HSPA9: variants seen among roughly 807,000 people sequenced by gnomAD.
HSPA9 encodes the protein heat shock protein family A (Hsp70) member 9, also known as stress-70 protein, mitochondrial.
A neutral mutation model predicts 81.5 loss-of-function variants in HSPA9; 28 were observed. The ratio of observed to expected loss-of-function variants is 0.34; its 90% CI spans 0.25 to 0.47. The LOEUF (loss-of-function observed/expected upper bound fraction) is 0.47, where lower values mean the gene tolerates loss of function less well. Ranked by LOEUF, HSPA9 falls within the 20% of genes least tolerant of loss-of-function variation. The probability of loss-of-function intolerance (pLI) is 1.00; values close to 1 mark genes in which losing one functional copy is unlikely to be tolerated. For synonymous variants in HSPA9, 293 were observed against 290.4 expected, an observed-to-expected ratio of 1.01 and a Z score of -0.09; for missense variants, 678 against 838.0, an observed-to-expected ratio of 0.81 and a Z score of 2.36.
intron 9 of HSPA9, among the ~76,000 whole-genome samples, chr5:138,562,128 A>G (rs6889363): frequency 0.96 from 144,385 of 150,616 alleles, 69,270 homozygotes; most frequent in East Asian, 1. Flanking sequence ...TAGTAGAGAC[A>G]GGGTTTCAGC....
intron 1 of HSPA9, 37 bp downstream of exon 1, chr5:138,575,201 G>T: frequency 6.8e-7 from 1 of 1,474,366 alleles, no homozygotes; most frequent in Non-Finnish European, 9.4e-7. Context: ...CAAGGCCCGA[G>T]GCCGTGACCC....
rs559051966 is a variant in HSPA9 at position 138,557,025 on chromosome 5, G to C, written c.1729-159C>G. 5 of 682,356 alleles carry C rather than the reference G, an allele frequency of 7.3e-6. No individual in the cohort carries two copies. The East Asian group carries it at 1.4e-4, about 19-fold the overall frequency. The allele number at this position is 682,356 out of a possible 1,614,324, so 42.3% of individuals were successfully genotyped here. A position where few individuals can be genotyped will look rare whatever the true frequency, so the allele number is the denominator to read the frequency against. ...GCATGAAAGAGTCTGGGATGGCTTT[G>C]AGAGAGATTTGGGCTAGATTTTGTA... On this transcript the variant is annotated intron_variant, in intron 14 of 16. Coordinates refer to ENST00000297185, the MANE Select transcript of HSPA9 (RefSeq NM_004134.7).
At chr5:138,570,913 C>T in intron 4 of HSPA9, 47 bp downstream of exon 4, 1 of 1,508,806 alleles carries the variant, frequency 6.6e-7, no homozygotes, top group Non-Finnish European at 9.2e-7. Flanking sequence ...TTCTGTGTGG[C>T]CCTTGCAAAT....
intron 4 of HSPA9, among the ~76,000 whole-genome samples, chr5:138,570,148 A>G (rs1481426601): frequency 6.6e-6 from 1 of 151,918 alleles, no homozygotes; most frequent in African/African-American, 2.4e-5. Context: ...TACAGGTGTG[A>G]GTCACCCCAC....
chr5:138,569,390 TAAGAC>T (rs897874291), intron 4 of HSPA9, among the ~76,000 whole-genome samples: 1 of 152,210 alleles, frequency 6.6e-6, no homozygotes, highest in Non-Finnish European at 1.5e-5. Context: ...TTCTACTCTC[TAAGAC>T]AAATGGAAAT....
Position 138,561,106 on chromosome 5 carries a change from T to C in HSPA9, c.1182+474A>G, listed in dbSNP as rs778838998. ...TGATGTGTTGAATAAAATACATCAT[T>C]GCACAAATCTTTGTCAAAGAGATGC... On this transcript the variant is annotated intron_variant, in intron 10 of 16. Coordinates refer to ENST00000297185, the MANE Select transcript of HSPA9 (RefSeq NM_004134.7). The C allele has an allele frequency of 2.2e-4, 109 of 487,630 alleles. 3 individuals carry two copies. Among genetic ancestry groups the C allele is most frequent in the Non-Finnish European group, 7.1e-5 (17 of 237,972 alleles). The allele number at this position is 487,630 out of a possible 1,614,324, so 30.2% of individuals were successfully genotyped here.
chr5:138,570,362 A>ACACATGATAGAACCTATGCCATTT (rs1241648273), intron 4 of HSPA9, among the ~76,000 whole-genome samples: 1 of 152,220 alleles, frequency 6.6e-6, no homozygotes, highest in Non-Finnish European at 1.5e-5. Flanking sequence ...TACTGGATCA[A>ACACATGATAGAACCTATGCCATTT]CACATGATAG....
intron 4 of HSPA9, 115 bp from the exon 5 acceptor site, chr5:138,569,164 A>G: frequency 1.1e-6 from 1 of 939,774 alleles, no homozygotes; most frequent in Non-Finnish European, 1.7e-6. Flanking sequence ...CATGGCCAAC[A>G]AATGACAGTT....
rs368981830 is a variant in HSPA9 at position 138,556,432 on chromosome 5, A to C, written c.1962+20T>G. On this transcript the variant is annotated intron_variant, in intron 16 of 16. Transcript: ENST00000297185. ...CCATCCAGATCAAGTTAGAATCAAAATCCACTTCAGCCCTTGTACCTTTTT... is the reference window on the plus strand; with the variant it reads ...CCATCCAGATCAAGTTAGAATCAAACTCCACTTCAGCCCTTGTACCTTTTT... 2 of 1,611,806 alleles carry C rather than the reference A, an allele frequency of 1.2e-6. No homozygotes were observed. The highest frequency in any genetic ancestry group is 1.7e-6 in the Non-Finnish European group (2 of 1,179,862).
intron 5 of HSPA9, 125 bp from the exon 6 acceptor site, chr5:138,567,847 A>G (rs1561860352): frequency 1.3e-6 from 1 of 752,044 alleles, no homozygotes; most frequent in East Asian, 2.7e-5. Context: ...AAGTGACCTA[A>G]TATGTCCTTG....
In HSPA9 at chr5:138,561,672, C is replaced by T. The variant is rs751461394; in HGVS notation, c.1090G>A (p.Ala364Thr). ...TCTTGCATAGCTTTTTGGCATGGAGCGATAGTCCTTCTGATTAGATCAGTG... is the reference window on the plus strand; with the variant it reads ...TCTTGCATAGCTTTTTGGCATGGAGTGATAGTCCTTCTGATTAGATCAGTG... ...IVTDLIRRTI[A>T]PCQKAMQDAE... Residue 364 changes from alanine (A) to threonine (T), a missense_variant, in exon 10 of 17, where the codon GCT becomes ACT. By Grantham distance (58) the Ala-to-Thr change is moderately conservative. Coordinates refer to ENST00000297185, the MANE Select transcript of HSPA9 (RefSeq NM_004134.7). 5.6e-6 allele frequency: 9 copies of T among 1,614,074 alleles called. No homozygotes were observed. The highest frequency in any genetic ancestry group is 1.1e-5 in the South Asian group (1 of 91,088).
Position 138,567,658 on chromosome 5 carries a change from C to A in HSPA9, c.600G>T (p.Ser200=), listed in dbSNP as rs762248139. The A allele has an allele frequency of 6.2e-7, 1 of 1,613,602 alleles. No homozygotes were observed. The part of the protein sequence containing the change: ...VITVPAYFND[S]QRQATKDAGQ... ...TGCTAATTGACCTCACCTGTCTCTG[C>A]GAGTCATTGAAATAAGCTGGGACTG... The change falls in exon 6 of 17, where the codon TCG becomes TCT. Residue 200 remains serine, a synonymous_variant. Coordinates refer to ENST00000297185, the MANE Select transcript of HSPA9 (RefSeq NM_004134.7).
intron 3 of HSPA9, among the ~76,000 whole-genome samples, chr5:138,572,767 T>C (rs1750935104): frequency 6.6e-6 from 1 of 152,226 alleles, no homozygotes; most frequent in African/African-American, 2.4e-5. Context: ...TTTGGGCTTC[T>C]TGGCATTTTT....
At chr5:138,556,621 T>C (rs1161815608) in intron 15 of HSPA9, 29 bp from the exon 16 acceptor site, 1 of 1,612,810 alleles carries the variant, frequency 6.2e-7, no homozygotes, top group Non-Finnish European at 8.5e-7. Context: ...AAATCCTTAC[T>C]TTTCCAGGTC....
chr5:138,571,011 G>A lies in HSPA9; in HGVS notation c.359C>T (p.Thr120Ile). 4 of 1,614,132 alleles carry A rather than the reference G, an allele frequency of 2.5e-6. No individual in the cohort carries two copies. The highest frequency in any genetic ancestry group is 2.5e-6 in the Non-Finnish European group (3 of 1,180,026). ...VTNPNNTFYA[T>I]KRLIGRRYDD... ...ATATCGCCGGCCAATGAGACGCTTG[G>A]TAGCATAAAATGTATTGTTTGGGTT... is the stretch of plus-strand genomic sequence containing the variant. Residue 120 changes from threonine to isoleucine, a missense_variant, in exon 4 of 17, where the codon ACC becomes ATC. Physicochemically the swap from Thr to Ile is moderately conservative, Grantham distance 89. Transcript: ENST00000297185.
At chr5:138,569,145 A>G (rs964686006) in intron 4 of HSPA9, 96 bp from the exon 5 acceptor site, 11 of 1,166,974 alleles carry the variant, frequency 9.4e-6, no homozygotes, top group Non-Finnish European at 1.3e-5. Context: ...CCACCCCAAG[A>G]GACTCATTCA....
intron 10 of HSPA9, 105 bp downstream of exon 10, chr5:138,561,475 T>C: frequency 1.2e-6 from 1 of 856,610 alleles, no homozygotes; most frequent in Non-Finnish European, 2.0e-6. Flanking sequence ...TCATCTCCCT[T>C]TTAGGTCACC....
rs1451850704 is a variant in HSPA9 at position 138,558,648 on chromosome 5, T to G, written c.1420A>C (p.Thr474Pro). 3 of 1,608,406 alleles carry G rather than the reference T, an allele frequency of 1.9e-6. No homozygotes were observed. Among genetic ancestry groups the G allele is most frequent in the Non-Finnish European group, 2.6e-6 (3 of 1,174,826 alleles). ...ACTTGCGTTTGACCATCAGCGGCAG[T>G]AGAGAATACCTAGGGAAGAAGAAAC... is the stretch of plus-strand genomic sequence containing the variant. ...IPTKKSQVFS[T>P]AADGQTQVEI... The change falls in exon 12 of 17, where the codon ACT (threonine) becomes CCT (proline). Residue 474 changes from threonine (T) to proline (P), a missense_variant. Coordinates refer to ENST00000297185, the MANE Select transcript of HSPA9 (RefSeq NM_004134.7).
Position 138,566,619 on chromosome 5 carries a change from G to A in HSPA9, c.972+7C>T. 6.3e-7 allele frequency: 1 copy of A among 1,594,490 alleles called. No individual in the cohort carries two copies. The highest frequency in any genetic ancestry group is 2.2e-5 in the East Asian group (1 of 44,692). On this transcript the variant is annotated splice_region_variant and intron_variant, in intron 9 of 16. Coordinates refer to ENST00000297185, the MANE Select transcript of HSPA9 (RefSeq NM_004134.7). ...CATCAAGACTGCTCGAATTTTCCGTGTCTCACCTGCACAGATGAGGAGAGT... is the reference window on the plus strand; with the variant it reads ...CATCAAGACTGCTCGAATTTTCCGTATCTCACCTGCACAGATGAGGAGAGT...
Sources: allele counts gnomAD v4.1 joint callset (sites outside exome capture counted in the v4.1 genomes callset), GRCh38; gene constraint gnomAD v4.1.1; transcripts MANE v1.5; gene names NCBI Gene and HGNC (gene_info 2026-07-23, HGNC 2026-07-21).